CEP85L: variants seen among roughly 807,000 people sequenced by gnomAD.
CEP85L encodes centrosomal protein 85L.
CEP85L carries 60 observed loss-of-function variants against 100.3 expected under a neutral mutation model. That is an observed-to-expected ratio of 0.60 (90% CI 0.49 to 0.74). The LOEUF (loss-of-function observed/expected upper bound fraction) is 0.74, where lower values mean the gene tolerates loss of function less well. CEP85L is among the 30% of genes least tolerant of loss of function. The pLI is 0.00. For missense variants in CEP85L, 973 were observed against 936.2 expected (o/e 1.04, Z -0.51); for synonymous variants, 319 against 322.7 (o/e 0.99, Z 0.12).
intron 6 of CEP85L, 121 bp from the exon 7 acceptor site, chr6:118,483,979 A>C: frequency 5.1e-6 from 4 of 790,772 alleles, no homozygotes; most frequent in Non-Finnish European, 6.0e-6. Context: ...AGCGAAGGCC[A>C]CTAGCAACTC....
chr6:118,595,609 G>A (rs1781422696), intron 2 of CEP85L, among the ~76,000 whole-genome samples: 1 of 152,136 alleles, frequency 6.6e-6, no homozygotes. Flanking sequence ...AAAGGAAGAG[G>A]CAACCACCAC....
At position 118,579,043 on chromosome 6, in the gene CEP85L, G is replaced by A. The variant is rs141744088; in HGVS notation, c.233-12727C>T. Among the ~76,000 whole-genome samples, 536 of 152,178 alleles carry A rather than the reference G, an allele frequency of 3.5e-3. 5 individuals are homozygous for A. The highest frequency in any genetic ancestry group is 0.012 in the African/African-American group (507 of 41,526). On this transcript the variant is annotated intron_variant, in intron 2 of 12. Coordinates refer to ENST00000368491, the MANE Select transcript of CEP85L (RefSeq NM_001042475.3). ...CCCAAGTAGCTGGGACTACAGGCAT[G>A]TGCCACAACACCCAGCTAATATTTG... is the stretch of plus-strand genomic sequence containing the variant.
chr6:118,664,301 T>C (rs1776068042), intron 1 of CEP85L: 1 of 152,212 alleles, frequency 6.6e-6, no homozygotes, highest in Non-Finnish European at 1.5e-5. Context: ...TAGCCACCTA[T>C]ATTACATAGT....
chr6:118,474,525 G>A (rs1235670170), intron 10 of CEP85L, among the ~76,000 whole-genome samples: 1 of 152,162 alleles, frequency 6.6e-6, no homozygotes, highest in Non-Finnish European at 1.5e-5. Context: ...CTTACATTGA[G>A]TGCAGAAATC....
intron 4 of CEP85L, among the ~76,000 whole-genome samples, chr6:118,512,947 T>C (rs768577973): frequency 2.0e-5 from 3 of 152,172 alleles, no homozygotes; most frequent in Non-Finnish European, 4.4e-5. Context: ...CTGACAGAGA[T>C]GTTAAAATAG....
chr6:118,550,928 A>G (rs1431997021), intron 3 of CEP85L, among the ~76,000 whole-genome samples: 2 of 151,872 alleles, frequency 1.3e-5, no homozygotes, highest in Admixed American at 6.6e-5. Context: ...AAAATTACAG[A>G]TGCCCTTAGT....
At chr6:118,690,274 T>A (rs1776992716) in intron 1 of CEP85L, among the ~76,000 whole-genome samples, 1 of 152,186 alleles carries the variant, frequency 6.6e-6, no homozygotes, top group Admixed American at 6.5e-5. Flanking sequence ...GTAGACCATA[T>A]CAAATTTGTC....
At chr6:118,502,382 T>G in intron 5 of CEP85L, 2 of 524,512 alleles carry the variant, frequency 3.8e-6, no homozygotes. Context: ...AGACAGATAG[T>G]TTGCTGGATG....
intron 1 of CEP85L, among the ~76,000 whole-genome samples, chr6:118,682,285 A>G (rs1776689876): frequency 6.6e-6 from 1 of 152,228 alleles, no homozygotes; most frequent in South Asian, 2.1e-4. Flanking sequence ...AAGGTTTTGG[A>G]TATTCTAAAA....
intron 3 of CEP85L, among the ~76,000 whole-genome samples, chr6:118,552,153 AT>A (rs965702939): frequency 6.6e-6 from 1 of 151,992 alleles, no homozygotes; most frequent in Non-Finnish European, 1.5e-5. Flanking sequence ...CTTGAATTCA[AT>A]TTAATAAAGT....
At chr6:118,627,363 G>A (rs1773871134) in intron 2 of CEP85L, among the ~76,000 whole-genome samples, 1 of 152,172 alleles carries the variant, frequency 6.6e-6, no homozygotes, top group Non-Finnish European at 1.5e-5. Context: ...GCCAGCATGT[G>A]AGAAGCCTGA....
intron 1 of CEP85L, among the ~76,000 whole-genome samples, chr6:118,707,158 C>G (rs1178308101): frequency 6.6e-6 from 1 of 151,162 alleles, no homozygotes; most frequent in Non-Finnish European, 1.5e-5. Flanking sequence ...AGCAGTCCTC[C>G]TGGGTTTCCT....
intron 1 of CEP85L, among the ~76,000 whole-genome samples, chr6:118,637,805 G>C (rs995290601): frequency 2.0e-5 from 3 of 148,434 alleles, no homozygotes; most frequent in African/African-American, 7.5e-5. Flanking sequence ...ATTATAAAGA[G>C]ATCATAAGCA....
chr6:118,566,003 A>C lies in CEP85L; in HGVS notation c.546T>G (p.Gly182=). 1 of 1,614,096 alleles carries C rather than the reference A, an allele frequency of 6.2e-7. No individual in the cohort carries two copies. Among genetic ancestry groups the C allele is most frequent in the Non-Finnish European group, 8.5e-7 (1 of 1,180,018 alleles). ...CCTTAGCCTTCCCTATCTTCTCCAA[A>C]CCATTCCTTGACTCTTCTCTGCATA... is the stretch of plus-strand genomic sequence containing the variant. The part of the protein sequence containing the change: ...GTVCREESRN[G]LEKIGKAKAL... The change falls in exon 3 of 13, where the codon GGT becomes GGG. Residue 182 remains glycine (G), a synonymous_variant. Coordinates refer to ENST00000368491, the MANE Select transcript of CEP85L (RefSeq NM_001042475.3).
At position 118,511,376 on chromosome 6, in the gene CEP85L, C is replaced by T; in HGVS notation, c.1179G>A (p.Arg393=). ...CATGTTGAGCCCGTAATTCATTATC[C>T]CTTATCCTCTCATGCAGGTGGGTAA... The part of the protein sequence containing the change: ...QQITHLHERI[R]DNELRAQHAM... Residue 393 remains arginine, a synonymous_variant, in exon 5 of 13, where the codon AGG becomes AGA. Transcript: ENST00000368491. 1 of 1,612,938 alleles carries T rather than the reference C, an allele frequency of 6.2e-7. No homozygotes were observed. Among genetic ancestry groups the T allele is most frequent in the Non-Finnish European group, 8.5e-7 (1 of 1,179,352 alleles).
At chr6:118,583,448 C>T (rs897407402) in intron 2 of CEP85L, among the ~76,000 whole-genome samples, 6 of 152,098 alleles carry the variant, frequency 3.9e-5, no homozygotes, top group Non-Finnish European at 5.9e-5. Flanking sequence ...TTAAACATGC[C>T]TTTTTAATCA....
chr6:118,708,097 G>A (rs562289396), intron 1 of CEP85L, among the ~76,000 whole-genome samples: 25 of 152,168 alleles, frequency 1.6e-4, no homozygotes, highest in Admixed American at 1.3e-3. Flanking sequence ...CCAAAAGGTC[G>A]GAATATATAG....
At chr6:118,500,155 T>TA (rs397748873) in intron 5 of CEP85L, among the ~76,000 whole-genome samples, 1 of 150,864 alleles carries the variant, frequency 6.6e-6, no homozygotes, top group South Asian at 2.1e-4. Context: ...TTTTTTTTTT[T>TA]AATTAGCCAG....
At chr6:118,590,240 A>G (rs1781108802) in intron 2 of CEP85L, among the ~76,000 whole-genome samples, 1 of 152,070 alleles carries the variant, frequency 6.6e-6, no homozygotes, top group Admixed American at 6.6e-5. Flanking sequence ...ACATTTACAA[A>G]CTTAAAAAAA....
Sources: allele counts gnomAD v4.1 joint callset (sites outside exome capture counted in the v4.1 genomes callset), GRCh38; gene constraint gnomAD v4.1.1; transcripts MANE v1.5; gene names NCBI Gene and HGNC (gene_info 2026-07-23, HGNC 2026-07-21).